The following SDK1 variants were observed in gnomAD, a reference collection of about 807,000 sequenced individuals.
SDK1 encodes the protein sidekick cell adhesion molecule 1, also known as protein sidekick-1.
In SDK1, 157 loss-of-function variants were observed where a neutral mutation model predicts 245.5. The observed-to-expected ratio is 0.64, with a 90% CI of 0.56 to 0.73. The LOEUF (loss-of-function observed/expected upper bound fraction) is 0.73. Among genes scored for constraint, SDK1 ranks in the 30% least tolerant of loss-of-function variants. SDK1 has a pLI of 0.00. For synonymous variants in SDK1, 1,647 were observed against 1,278.5 expected (o/e 1.29, Z -6.15); for missense variants, 3,583 against 3,002.3 (o/e 1.19, Z -4.52).
At chr7:3,528,377 G>T (rs535704112) in intron 1 of SDK1, among the ~76,000 whole-genome samples, 13 of 151,714 alleles carry the variant, frequency 8.6e-5, no homozygotes, top group Non-Finnish European at 1.6e-4. Flanking sequence ...TGTCAGCTAG[G>T]GGGTGAGTGG....
chr7:3,638,154 A>C (rs542959446), intron 2 of SDK1, among the ~76,000 whole-genome samples: 6 of 152,246 alleles, frequency 3.9e-5, no homozygotes, highest in Non-Finnish European at 7.3e-5. Context: ...TACCATGGTT[A>C]CAGTGATGAA....
At chr7:3,961,767 T>G (rs1262303095) in intron 8 of SDK1, among the ~76,000 whole-genome samples, 6 of 152,220 alleles carry the variant, frequency 3.9e-5, no homozygotes, top group Non-Finnish European at 8.8e-5. Context: ...GGATGAATAG[T>G]GATACTGCCA....
chr7:4,228,045 C>G (rs1785541787), intron 40 of SDK1, among the ~76,000 whole-genome samples: 1 of 152,140 alleles, frequency 6.6e-6, no homozygotes, highest in African/African-American at 2.4e-5. Flanking sequence ...ACAAATCACG[C>G]CGTAAAAAAT....
chr7:4,227,376 A>G (rs1294158610), intron 40 of SDK1: 1 of 471,104 alleles, frequency 2.1e-6, no homozygotes, highest in East Asian at 6.9e-5. Context: ...CGTCATCTTA[A>G]CATGCAATGC....
At chr7:3,338,627 CAAACAAAA>C (rs1050706562) in intron 1 of SDK1, 53 of 157,456 alleles carry the variant, frequency 3.4e-4, no homozygotes, top group African/African-American at 1.7e-3. Flanking sequence ...AACAAACAAA[CAAACAAAA>C]AAAAACACCA....
chr7:4,233,965 G>T (rs983928375), intron 41 of SDK1, among the ~76,000 whole-genome samples: 4 of 152,210 alleles, frequency 2.6e-5, no homozygotes, highest in African/African-American at 9.7e-5. Flanking sequence ...GCCACGTGGT[G>T]TCCCCTCCGC....
chr7:3,776,468 A>G (rs1472685818), intron 4 of SDK1, among the ~76,000 whole-genome samples: 1 of 152,206 alleles, frequency 6.6e-6, no homozygotes, highest in East Asian at 1.9e-4. Context: ...TTTCTGGTTC[A>G]ATATTATGAA....
intron 1 of SDK1, among the ~76,000 whole-genome samples, chr7:3,496,834 A>G (rs899171982): frequency 3.3e-5 from 5 of 152,196 alleles, no homozygotes; most frequent in Admixed American, 6.5e-5. Flanking sequence ...TTTCTCCTGC[A>G]GGCTAGAAGA....
intron 4 of SDK1, among the ~76,000 whole-genome samples, chr7:3,653,905 T>C (rs1428030879): frequency 6.6e-6 from 1 of 152,094 alleles, no homozygotes; most frequent in Non-Finnish European, 1.5e-5. Flanking sequence ...CCTGGAGCAG[T>C]TGTGAGATTT....
intron 4 of SDK1, among the ~76,000 whole-genome samples, chr7:3,723,441 G>T (rs770450696): frequency 6.6e-6 from 1 of 152,214 alleles, no homozygotes; most frequent in East Asian, 1.9e-4. Context: ...GGATCTCCCT[G>T]TGGATGGGGT....
At chr7:3,616,575 C>G (rs1781779430) in intron 1 of SDK1, among the ~76,000 whole-genome samples, 1 of 152,154 alleles carries the variant, frequency 6.6e-6, no homozygotes. Flanking sequence ...TAGGTTAAAT[C>G]TCCTACTGTA....
chr7:3,443,542 T>G (rs1291359846), intron 1 of SDK1, among the ~76,000 whole-genome samples: 1 of 152,206 alleles, frequency 6.6e-6, no homozygotes, highest in African/African-American at 2.4e-5. Flanking sequence ...TGCTTATTAA[T>G]GAAGGAGATG....
chr7:3,792,301 A>G (rs1303684450), intron 4 of SDK1, among the ~76,000 whole-genome samples: 4 of 151,750 alleles, frequency 2.6e-5, no homozygotes, highest in Non-Finnish European at 2.9e-5. Context: ...CCCCTTCACC[A>G]CAGACTCAAC....
At chr7:3,395,617 G>C (rs1040804855) in intron 1 of SDK1, among the ~76,000 whole-genome samples, 1 of 151,918 alleles carries the variant, frequency 6.6e-6, no homozygotes, top group Non-Finnish European at 1.5e-5. Context: ...GAAGGAATCT[G>C]AGCCTGGACT....
intron 1 of SDK1, among the ~76,000 whole-genome samples, chr7:3,598,540 G>C (rs1781145398): frequency 6.6e-6 from 1 of 152,156 alleles, no homozygotes; most frequent in South Asian, 2.1e-4. Flanking sequence ...ACCAGCATCA[G>C]GGCAGTCAAG....
chr7:4,145,894 C>T lies in SDK1; in HGVS notation c.4401C>T (p.Thr1467=), dbSNP rs757485145. The change falls in exon 29 of 45, where the codon ACC becomes ACT. Residue 1467 remains threonine, a synonymous_variant. Transcript: ENST00000404826. ...RQGWGEPLEA[T]VITTEKRERP... is the part of the protein sequence containing the mutation. ...GCTGGGGGGAGCCACTGGAGGCCAC[C>T]GTCATCACCACCGAGAAGAGAGGTA... 2.6e-5 allele frequency: 41 copies of T among 1,594,660 alleles called. No homozygotes were observed. Among genetic ancestry groups the T allele is most frequent in the African/African-American group, 4.2e-5 (3 of 72,042 alleles).
At position 3,861,952 on chromosome 7, in the gene SDK1, G is replaced by T. The variant is rs149226178; in HGVS notation, c.847+40369G>T. Among the ~76,000 whole-genome samples the T allele has an allele frequency of 1.2e-4, 18 of 152,282 alleles. No homozygotes were observed. The East Asian group carries it at 3.3e-3, about 28-fold the overall frequency. ...GAGCTCCTACACAAAAACCTGCAGA[G>T]CATCCTAGAAGACTCTAGTGACCCT... On this transcript the variant is annotated intron_variant, in intron 5 of 44. Coordinates refer to ENST00000404826, the MANE Select transcript of SDK1 (RefSeq NM_152744.4).
At chr7:3,438,849 A>ATT (rs527596036) in intron 1 of SDK1, among the ~76,000 whole-genome samples, 3,150 of 131,076 alleles carry the variant, frequency 0.024, 220 homozygotes, top group African/African-American at 0.093. Context: ...TTGTATTAAT[A>ATT]TTTTTTTTTT....
intron 1 of SDK1, 33 bp from the exon 2 acceptor site, chr7:3,619,047 A>ATTGTTTT (rs1781855279): frequency 6.7e-7 from 1 of 1,496,244 alleles, no homozygotes; most frequent in South Asian, 1.2e-5. Context: ...TGCGTACTTC[A>ATTGTTTT]GTTTTGTTTT....
Sources: allele counts gnomAD v4.1 joint callset (sites outside exome capture counted in the v4.1 genomes callset), GRCh38; gene constraint gnomAD v4.1.1; transcripts MANE v1.5; gene names NCBI Gene and HGNC (gene_info 2026-07-23, HGNC 2026-07-21).